The following MOK variants were observed in gnomAD, a reference collection of about 807,000 sequenced individuals.
MOK encodes MOK protein kinase.
MOK carries 59 observed loss-of-function variants against 54.2 expected under a neutral mutation model. That is an observed-to-expected ratio of 1.09 (90% confidence interval 0.88 to 1.35). The LOEUF is 1.35. Among genes scored for constraint, MOK ranks in the 40% most tolerant of loss-of-function variants. The pLI is 0.00. For synonymous variants in MOK, 210 were observed against 202.7 expected (o/e 1.04, Z -0.31); for missense variants, 517 against 526.2 (o/e 0.98, Z 0.17).
chr14:102,266,442 C>T (rs1460855063), intron 2 of MOK, among the ~76,000 whole-genome samples: 1 of 151,352 alleles, frequency 6.6e-6, no homozygotes, highest in East Asian at 2.0e-4. Context: ...GTAGCTGGGA[C>T]CACAGGTGCA....
Position 102,229,030 on chromosome 14 carries a change from C to T in MOK, c.*259G>A, listed in dbSNP as rs2064386239. ...TCATATACAAAGTTACAAAGTATTT[C>T]CTGCCCCAAATTCTTAACGAAAATG... is the stretch of plus-strand genomic sequence containing the variant. On this transcript the variant is annotated 3_prime_UTR_variant, in exon 12 of 12. Transcript: ENST00000361847. 4.0e-6 allele frequency: 2 copies of T among 498,314 alleles called. No individual in the cohort carries two copies. Among genetic ancestry groups the T allele is most frequent in the African/African-American group, 4.0e-5 (2 of 50,428 alleles). The allele number at this position is 498,314 out of a possible 1,614,324, so 30.9% of individuals were successfully genotyped here.
In MOK at chr14:102,231,926, T is replaced by C; in HGVS notation, c.867-105A>G. On this transcript the variant is annotated intron_variant, in intron 9 of 11. Transcript: ENST00000361847. The surrounding 1 kb of genome is among the most constrained non-coding windows in gnomAD (Gnocchi z 4.4). ...ATTTGTCTACTGTGTGAGTTGTCAC[T>C]AGCTCTTCTTTTCTGCCTGAGCTGT... 1 of 865,230 alleles carries C rather than the reference T, an allele frequency of 1.2e-6. No individual in the cohort carries two copies. The highest frequency in any genetic ancestry group is 1.8e-5 in the South Asian group (1 of 56,740). The allele number at this position is 865,230 out of a possible 1,614,324, so 53.6% of individuals were successfully genotyped here. A position where few individuals can be genotyped will look rare whatever the true frequency, so the allele number is the denominator to read the frequency against.
chr14:102,241,998 G>A (rs1243413855), intron 7 of MOK, among the ~76,000 whole-genome samples: 3 of 152,180 alleles, frequency 2.0e-5, no homozygotes, highest in Non-Finnish European at 4.4e-5. Flanking sequence ...ACTGGAAATC[G>A]GACTGTCCAA....
the MOK span, among the ~76,000 whole-genome samples, chr14:102,217,016 T>C: frequency 1.3e-5 from 2 of 152,190 alleles, no homozygotes; most frequent in Non-Finnish European, 2.9e-5. Flanking sequence ...TGGAGACGAA[T>C]GGACCATCTA....
chr14:102,218,422 C>A, the MOK span, among the ~76,000 whole-genome samples: 1 of 152,242 alleles, frequency 6.6e-6, no homozygotes. Flanking sequence ...AGCTTCAGGA[C>A]ATGTCCTTTC....
At chr14:102,260,245 C>T (rs1351353999) in intron 4 of MOK, among the ~76,000 whole-genome samples, 2 of 151,362 alleles carry the variant, frequency 1.3e-5, no homozygotes, top group Non-Finnish European at 2.9e-5. Context: ...ACTTGGGAGG[C>T]TGAGGCAGGA....
chr14:102,223,945 C>A (rs1021958417), downstream of MOK, among the ~76,000 whole-genome samples: 1 of 151,898 alleles, frequency 6.6e-6, no homozygotes, highest in Non-Finnish European at 1.5e-5. Context: ...GTCCTCCTTT[C>A]GTCATTGAAA....
At chr14:102,283,387 A>T in intron 2 of MOK, 91 bp downstream of exon 2, 1 of 742,968 alleles carries the variant, frequency 1.3e-6, no homozygotes, top group Non-Finnish European at 2.2e-6. Context: ...ACATATTATT[A>T]AATTAATAAA....
intron 2 of MOK, among the ~76,000 whole-genome samples, chr14:102,282,446 AAC>A (rs2069544320): frequency 6.6e-6 from 1 of 152,084 alleles, no homozygotes; most frequent in Non-Finnish European, 1.5e-5. Flanking sequence ...ATAGAAGTCC[AAC>A]ACACAGCCAG....
At chr14:102,276,801 A>G (rs1313349172) in intron 2 of MOK, among the ~76,000 whole-genome samples, 1 of 151,544 alleles carries the variant, frequency 6.6e-6, no homozygotes, top group East Asian at 1.9e-4. Context: ...CAAAAAAAAA[A>G]AAAAAGAAAA....
downstream of MOK, chr14:102,223,076 A>AT: frequency 3.7e-6 from 2 of 543,428 alleles, no homozygotes; most frequent in Non-Finnish European, 3.2e-6. Context: ...AGTTGTTTCC[A>AT]TTTTAAACCG....
intron 1 of MOK, among the ~76,000 whole-genome samples, chr14:102,286,151 T>G (rs2070043654): frequency 6.7e-6 from 1 of 149,048 alleles, no homozygotes; most frequent in African/African-American, 2.5e-5. Context: ...TACAAAAAAT[T>G]AGCCGGGCGT....
At chr14:102,226,590 C>T (rs997347094), downstream of MOK, among the ~76,000 whole-genome samples, 5 of 152,108 alleles carry the variant, frequency 3.3e-5, no homozygotes, top group African/African-American at 7.2e-5. This position sits in a 1 kb window ranked among gnomAD's most constrained non-coding sequence, Gnocchi z 4.8. Flanking sequence ...AGCCCTGGCC[C>T]CCATCACAGG....
the MOK span, among the ~76,000 whole-genome samples, chr14:102,217,700 C>G: frequency 6.6e-6 from 1 of 152,206 alleles, no homozygotes; most frequent in Non-Finnish European, 1.5e-5. Flanking sequence ...TGGCTGCTTT[C>G]TCCAGGTTTG....
chr14:102,217,640 G>A, the MOK span, among the ~76,000 whole-genome samples: 6 of 152,164 alleles, frequency 3.9e-5, no homozygotes, highest in South Asian at 2.1e-4. Flanking sequence ...TGTGGCTCAC[G>A]TGCCGCTTGT....
intron 7 of MOK, among the ~76,000 whole-genome samples, chr14:102,244,422 G>A (rs763115324): frequency 2.0e-5 from 3 of 152,072 alleles, no homozygotes; most frequent in South Asian, 2.1e-4. Context: ...CCTCTTCCAC[G>A]TAGATTACAA....
At chr14:102,283,937 G>T (rs1461754297) in intron 1 of MOK, among the ~76,000 whole-genome samples, 1 of 152,140 alleles carries the variant, frequency 6.6e-6, no homozygotes. Flanking sequence ...CTTAGGCTCT[G>T]GGCTGATGTC....
At chr14:102,286,440 A>AC (rs1212876533) in intron 1 of MOK, among the ~76,000 whole-genome samples, 2 of 151,482 alleles carry the variant, frequency 1.3e-5, no homozygotes, top group Non-Finnish European at 2.9e-5. Context: ...GGCAACATAG[A>AC]CCCCGTCTCT....
In MOK at chr14:102,250,778, G is replaced by A. The variant is rs760962350; in HGVS notation, c.590+34C>T. The stretch of plus-strand genomic sequence containing the variant: ...AGCCTGGCTGCTGCACCGCTCCGCC[G>A]CAGGAACCAGGCAGGAGCCTGGCCT... On this transcript the variant is annotated intron_variant, in intron 7 of 11. Transcript: ENST00000361847. 2.6e-5 allele frequency: 41 copies of A among 1,599,456 alleles called. No homozygotes were observed. In the South Asian group the frequency reaches 3.8e-4, roughly 15 times the overall value.
Sources: gnomAD v4.1 joint callset for allele counts (sites outside exome capture counted in the v4.1 genomes callset) on GRCh38, gnomAD v4.1.1 for gene constraint, Gnocchi (gnomAD v3.1) non-coding constraint, MANE v1.5 for transcripts, NCBI Gene and HGNC (gene_info 2026-07-23, HGNC 2026-07-21) for gene names.